The following NRXN1 variants were observed in gnomAD, a reference collection of about 807,000 sequenced individuals.
The protein encoded by NRXN1 is neurexin 1, also known as neurexin-1.
A neutral mutation model predicts 150.9 loss-of-function variants in NRXN1; 39 were observed. That is an observed-to-expected ratio of 0.26 (90% CI 0.20 to 0.34). NRXN1 has a LOEUF of 0.34. NRXN1 is among the 10% of genes least tolerant of loss of function. The probability of loss-of-function intolerance (pLI) is 1.00; values close to 1 mark genes in which losing one functional copy is unlikely to be tolerated. For synonymous variants in NRXN1, 924 were observed against 757.0 expected (o/e 1.22, Z -3.62); for missense variants, 1,815 against 1,949.9 (o/e 0.93, Z 1.30).
intron 5 of NRXN1, among the ~76,000 whole-genome samples, chr2:50,759,826 CTGTG>C (rs72209781): frequency 0.24 from 34,639 of 141,958 alleles, 4,559 homozygotes; most frequent in Non-Finnish European, 0.32. Context: ...TCTAACTAAG[CTGTG>C]TGTGTGTGTG....
intron 5 of NRXN1, among the ~76,000 whole-genome samples, chr2:50,739,992 A>T (rs1200462725): frequency 6.6e-6 from 1 of 152,166 alleles, no homozygotes; most frequent in Non-Finnish European, 1.5e-5. Flanking sequence ...GATTTCTCTA[A>T]GCTCCTTAGC....
In NRXN1 at chr2:50,543,163, T is replaced by G. The variant is rs76702571; in HGVS notation, c.1760-4527A>C. On this transcript the variant is annotated intron_variant, in intron 9 of 22. Transcript: ENST00000401669. ...TTAATGGGTCATCCCTCTATCTTTTTCCAGGAACCACAAATACTGACATGT... is the reference window on the plus strand; with the variant it reads ...TTAATGGGTCATCCCTCTATCTTTTGCCAGGAACCACAAATACTGACATGT... 6.7e-3 allele frequency among the ~76,000 whole-genome samples: 1,015 copies of G among 152,258 alleles called. 6 individuals are homozygous for G. The highest frequency in any genetic ancestry group is 0.023 in the African/African-American group (939 of 41,576).
chr2:50,160,889 T>C (rs554059233), intron 18 of NRXN1, among the ~76,000 whole-genome samples: 1 of 152,158 alleles, frequency 6.6e-6, no homozygotes, highest in South Asian at 2.1e-4. Context: ...ATTATACATA[T>C]CTTTTTTTTA....
chr2:50,115,147 T>TA (rs1241586897), intron 18 of NRXN1, among the ~76,000 whole-genome samples: 1 of 131,052 alleles, frequency 7.6e-6, no homozygotes, highest in Non-Finnish European at 1.6e-5. Flanking sequence ...TTTCGCTCAA[T>TA]TTTTTTTTTT....
chr2:50,528,616 G>T lies in NRXN1; in HGVS notation c.2374+9C>A. 1 of 1,491,568 alleles carries T rather than the reference G, an allele frequency of 6.7e-7. No homozygotes were observed. Among genetic ancestry groups the T allele is most frequent in the Non-Finnish European group, 9.3e-7 (1 of 1,080,338 alleles). 92.4% of individuals were successfully genotyped at this position (1,491,568 alleles called of 1,614,324 possible). On this transcript the variant is annotated intron_variant, in intron 12 of 22. Coordinates refer to ENST00000401669, the MANE Select transcript of NRXN1 (RefSeq NM_001330078.2). ...AATAACATTTTAAAAATTTTGAATA[G>T]GCACTTACTGGAATTACAGTTAATC...
chr2:50,155,865 C>T (rs1240142126), intron 18 of NRXN1, among the ~76,000 whole-genome samples: 6 of 151,424 alleles, frequency 4.0e-5, no homozygotes, highest in African/African-American at 7.3e-5. Flanking sequence ...ACAGTACACA[C>T]ATTTCTACTG....
intron 21 of NRXN1, among the ~76,000 whole-genome samples, chr2:50,049,245 T>C (rs1022253233): frequency 6.6e-6 from 1 of 152,176 alleles, no homozygotes; most frequent in Non-Finnish European, 1.5e-5. Context: ...CCAACTGGGC[T>C]GCATGGCCAC....
intron 18 of NRXN1, among the ~76,000 whole-genome samples, chr2:50,096,721 G>T (rs1438570469): frequency 6.6e-6 from 1 of 152,114 alleles, no homozygotes; most frequent in East Asian, 1.9e-4. Flanking sequence ...AGTGACAATG[G>T]TAATTATTGA....
chr2:50,409,948 T>C (rs2083024646), intron 17 of NRXN1, among the ~76,000 whole-genome samples: 1 of 152,192 alleles, frequency 6.6e-6, no homozygotes, highest in African/African-American at 2.4e-5. Context: ...TCGGTATTAT[T>C]TTCAAGCCTT....
At position 50,250,240 on chromosome 2, in the gene NRXN1, C is replaced by T. The variant is rs143219320; in HGVS notation, c.3365-13270G>A. On this transcript the variant is annotated intron_variant, in intron 17 of 22. Coordinates refer to ENST00000401669, the MANE Select transcript of NRXN1 (RefSeq NM_001330078.2). ...GTACAAACCAACCCTGTACTTCAAG[C>T]AAACTGGAGAATTTGCTTGTCTCCC... is the stretch of plus-strand genomic sequence containing the variant. Among the ~76,000 whole-genome samples the T allele has an allele frequency of 4.3e-4, 66 of 152,172 alleles. 1 individual carries two copies. In the East Asian group the frequency reaches 9.9e-3, roughly 23 times the overall value.
intron 8 of NRXN1, among the ~76,000 whole-genome samples, chr2:50,610,386 T>C (rs1677842678): frequency 6.6e-6 from 1 of 151,858 alleles, no homozygotes; most frequent in Admixed American, 6.6e-5. Context: ...TCATGCCCAG[T>C]ATACAACTGA....
chr2:50,713,698 C>T (rs1375143719), intron 5 of NRXN1, among the ~76,000 whole-genome samples: 1 of 151,918 alleles, frequency 6.6e-6, no homozygotes, highest in Admixed American at 6.6e-5. Context: ...CAAAAAAAAA[C>T]AGATAAATTA....
At position 50,790,525 on chromosome 2, in the gene NRXN1, G is replaced by A. The variant is rs185166638; in HGVS notation, c.832+131344C>T. ...AACCCCAGCTACTCAGGAGGCTGAG[G>A]CAGGAGAATTGCTTGAACCTGGGAG... On this transcript the variant is annotated intron_variant, in intron 5 of 22. Coordinates refer to ENST00000401669, the MANE Select transcript of NRXN1 (RefSeq NM_001330078.2). 6.5e-4 allele frequency among the ~76,000 whole-genome samples: 99 copies of A among 152,246 alleles called. 1 individual carries two copies. Among genetic ancestry groups the A allele is most frequent in the African/African-American group, 2.2e-3 (93 of 41,550 alleles).
intron 5 of NRXN1, among the ~76,000 whole-genome samples, chr2:50,713,039 G>A (rs1048921939): frequency 2.0e-5 from 3 of 152,138 alleles, no homozygotes; most frequent in African/African-American, 4.8e-5. Context: ...ATAGCTGAGT[G>A]TATTGGCTCA....
At chr2:50,620,515 T>C (rs897750200) in intron 7 of NRXN1, among the ~76,000 whole-genome samples, 4 of 152,142 alleles carry the variant, frequency 2.6e-5, no homozygotes, top group African/African-American at 9.7e-5. Flanking sequence ...GTAAAATGCT[T>C]CCTAGGTTAG....
At chr2:50,317,199 G>T (rs534151691) in intron 17 of NRXN1, among the ~76,000 whole-genome samples, 3 of 151,892 alleles carry the variant, frequency 2.0e-5, no homozygotes, top group Non-Finnish European at 4.4e-5. Flanking sequence ...AGGGGAAAGA[G>T]AATGGACAAA....
chr2:50,649,123 C>A (rs934092210), intron 5 of NRXN1, among the ~76,000 whole-genome samples: 1 of 151,836 alleles, frequency 6.6e-6, no homozygotes, highest in Admixed American at 6.6e-5. Context: ...ACTTTATGAA[C>A]CCATAGGACT....
chr2:50,503,191 C>T (rs1328571376), intron 13 of NRXN1, among the ~76,000 whole-genome samples: 1 of 151,760 alleles, frequency 6.6e-6, no homozygotes, highest in Non-Finnish European at 1.5e-5. Flanking sequence ...GCCTGTAATC[C>T]CAGCTACTTG....
chr2:50,604,259 C>A (rs1345818426), intron 8 of NRXN1, among the ~76,000 whole-genome samples: 1 of 152,156 alleles, frequency 6.6e-6, no homozygotes, highest in Non-Finnish European at 1.5e-5. Context: ...TCATTTGCTT[C>A]TGTATCACCT....
Sources: allele counts gnomAD v4.1 joint callset (sites outside exome capture counted in the v4.1 genomes callset), GRCh38; gene constraint gnomAD v4.1.1; transcripts MANE v1.5; gene names NCBI Gene and HGNC (gene_info 2026-07-23, HGNC 2026-07-21).